VPS37A: variants seen among roughly 807,000 people sequenced by gnomAD.
The protein encoded by VPS37A is vacuolar protein sorting-associated protein 37A.
Under a neutral mutation model 49.8 loss-of-function variants are expected in VPS37A, and 30 were observed. The observed-to-expected ratio is 0.60, with a 90% CI of 0.45 to 0.82. VPS37A has a LOEUF of 0.82. Among genes scored for constraint, VPS37A ranks in the 40% least tolerant of loss-of-function variants. VPS37A has a pLI of 0.00. For missense variants in VPS37A, 593 were observed against 464.4 expected (o/e 1.28, Z -2.55); for synonymous variants, 195 against 160.6 (o/e 1.21, Z -1.62).
intron 11 of VPS37A, among the ~76,000 whole-genome samples, chr8:17,287,000 A>G (rs530243532): frequency 2.6e-5 from 4 of 152,324 alleles, no homozygotes; most frequent in Admixed American, 1.3e-4. Context: ...TAAGATTTCC[A>G]TAATCTTGCA....
chr8:17,328,344 T>A, the VPS37A span, among the ~76,000 whole-genome samples: 1 of 152,002 alleles, frequency 6.6e-6, no homozygotes, highest in Non-Finnish European at 1.5e-5. Flanking sequence ...GCCTAAGAGG[T>A]AAAAGCTCCA....
At chr8:17,302,682 T>C (rs1817194370), downstream of VPS37A, among the ~76,000 whole-genome samples, 1 of 137,636 alleles carries the variant, frequency 7.3e-6, no homozygotes, top group Non-Finnish European at 1.6e-5. Context: ...CCACTAAAAG[T>C]TGACATTTGC....
At chr8:17,298,975 G>T (rs543588827), downstream of VPS37A, 1 of 152,150 alleles carries the variant, frequency 6.6e-6, no homozygotes, top group Non-Finnish European at 1.5e-5. Context: ...TCTGGTTCTT[G>T]AAACTGGATT....
At chr8:17,257,886 T>C (rs1245938113) in intron 1 of VPS37A, among the ~76,000 whole-genome samples, 1 of 152,220 alleles carries the variant, frequency 6.6e-6, no homozygotes, top group African/African-American at 2.4e-5. Flanking sequence ...CTAGGTATTT[T>C]ATATTCTTTG....
intron 4 of VPS37A, among the ~76,000 whole-genome samples, chr8:17,272,275 T>G (rs968209359): frequency 6.6e-6 from 1 of 152,058 alleles, no homozygotes; most frequent in Non-Finnish European, 1.5e-5. Context: ...ACTTTAGATT[T>G]TTGTTGTTGT....
the VPS37A span, among the ~76,000 whole-genome samples, chr8:17,312,323 C>G: frequency 3.3e-5 from 5 of 152,148 alleles, 1 homozygote; most frequent in South Asian, 1.0e-3. Context: ...GCATGTAATC[C>G]CAGCACTTTG....
At chr8:17,258,357 G>A (rs1299891746) in intron 1 of VPS37A, among the ~76,000 whole-genome samples, 1 of 152,040 alleles carries the variant, frequency 6.6e-6, no homozygotes. Flanking sequence ...TAATCACAAA[G>A]GATTTTATTG....
At chr8:17,307,796 C>T in the VPS37A span, among the ~76,000 whole-genome samples, 1 of 151,408 alleles carries the variant, frequency 6.6e-6, no homozygotes, top group African/African-American at 2.4e-5. Context: ...ACAAAAAAAC[C>T]AAACACCACA....
chr8:17,313,870 G>A, the VPS37A span, among the ~76,000 whole-genome samples: 6 of 152,090 alleles, frequency 3.9e-5, 1 homozygote, highest in South Asian at 4.1e-4. Flanking sequence ...AAGACAGAGC[G>A]ATCCTAAATT....
At chr8:17,281,030 A>G (rs10503590) in intron 9 of VPS37A, among the ~76,000 whole-genome samples, 20,110 of 151,938 alleles carry the variant, frequency 0.13, 1,834 homozygotes, top group Non-Finnish European at 0.2. Flanking sequence ...ACTTTGGGTA[A>G]AGTCAATGAA....
chr8:17,272,984 C>G (rs1284079264), intron 4 of VPS37A, among the ~76,000 whole-genome samples: 1 of 145,172 alleles, frequency 6.9e-6, no homozygotes, highest in Non-Finnish European at 1.5e-5. Flanking sequence ...ATTGTATTTT[C>G]CCCCTTTTTT....
At chr8:17,293,281 C>T (rs1816312223) in intron 11 of VPS37A, among the ~76,000 whole-genome samples, 1 of 151,676 alleles carries the variant, frequency 6.6e-6, no homozygotes, top group Non-Finnish European at 1.5e-5. Flanking sequence ...AGTTCTCGTG[C>T]TGTGTTTTTC....
chr8:17,251,763 C>T (rs1339012627), intron 1 of VPS37A, among the ~76,000 whole-genome samples: 1 of 152,140 alleles, frequency 6.6e-6, no homozygotes, highest in East Asian at 1.9e-4. Flanking sequence ...ATAGTAGTGC[C>T]ATTCTCCCTA....
At chr8:17,258,348 A>T (rs1014504924) in intron 1 of VPS37A, among the ~76,000 whole-genome samples, 9 of 152,148 alleles carry the variant, frequency 5.9e-5, no homozygotes, top group African/African-American at 2.2e-4. Flanking sequence ...TGAGGGTTGT[A>T]ATCACAAAGG....
intron 6 of VPS37A, 197 bp from the exon 7 acceptor site, chr8:17,279,831 A>G (rs1056568199): frequency 3.0e-6 from 2 of 674,782 alleles, no homozygotes; most frequent in African/African-American, 3.5e-5. Context: ...TGTCAAGAAT[A>G]TATTACAGAC....
At chr8:17,248,381 C>T (rs1251585430) in intron 1 of VPS37A, 4 of 455,490 alleles carry the variant, frequency 8.8e-6, no homozygotes, top group East Asian at 7.0e-5. Context: ...CATCCTCCCT[C>T]AGCTCCCCAC....
At chr8:17,298,043 A>T (rs932754500), downstream of VPS37A, 13 of 152,172 alleles carry the variant, frequency 8.5e-5, no homozygotes, top group Admixed American at 2.6e-4. Flanking sequence ...GTCATTTTTT[A>T]AAAAATGTTT....
chr8:17,247,728 G>A (rs1475697082), intron 1 of VPS37A: 6 of 702,644 alleles, frequency 8.5e-6, no homozygotes. Flanking sequence ...TGCCGCGTCA[G>A]CAGAATTGTT....
intron 3 of VPS37A, 86 bp from the exon 4 acceptor site, chr8:17,268,770 T>C (rs1813708453): frequency 2.2e-6 from 2 of 896,812 alleles, no homozygotes; most frequent in Admixed American, 5.3e-5. Flanking sequence ...CAAAAGTAAG[T>C]TAATATTTAG....
Sources: gnomAD v4.1 joint callset for allele counts (sites outside exome capture counted in the v4.1 genomes callset) on GRCh38, gnomAD v4.1.1 for gene constraint, MANE v1.5 for transcripts, NCBI Gene and HGNC (gene_info 2026-07-23, HGNC 2026-07-21) for gene names.